The following CPEB2 variants were observed in gnomAD, a reference collection of about 807,000 sequenced individuals.
CPEB2 encodes cytoplasmic polyadenylation element-binding protein 2.
Under a neutral mutation model 93.6 loss-of-function variants are expected in CPEB2, and 56 were observed. The observed-to-expected ratio is 0.60, with a 90% CI of 0.48 to 0.75. CPEB2 has a LOEUF of 0.75. CPEB2 is among the 30% of genes least tolerant of loss of function. The probability of loss-of-function intolerance (pLI) is 0.00; values close to 1 mark genes in which losing one functional copy is unlikely to be tolerated. For synonymous variants in CPEB2, 764 were observed against 586.3 expected (o/e 1.30, Z -4.38); for missense variants, 1,579 against 1,395.1 (o/e 1.13, Z -2.10).
intron 5 of CPEB2, among the ~76,000 whole-genome samples, chr4:15,035,848 G>A (rs1366469235): frequency 2.6e-5 from 4 of 152,204 alleles, no homozygotes; most frequent in Non-Finnish European, 5.9e-5. Context: ...ATGCATGACT[G>A]TTGCAATTAA....
rs557282003 is a variant in CPEB2 at position 15,017,238 on chromosome 4, C to A, written c.2085C>A (p.Ser695=). The change falls in exon 4 of 12, where the codon TCC becomes TCA. Residue 695 remains serine (S), a synonymous_variant. Transcript: ENST00000538197. ...TGAATATGCACTCTTTGGAAAATTC[C>A]CTTATCGATATTATGAGAGCAGAGC... ...DSLNMHSLEN[S]LIDIMRAEHD... The A allele has an allele frequency of 8.4e-5, 135 of 1,603,672 alleles. No homozygotes were observed. The highest frequency in any genetic ancestry group is 1.1e-4 in the Non-Finnish European group (127 of 1,172,804).
intron 4 of CPEB2, among the ~76,000 whole-genome samples, chr4:15,029,767 T>G (rs1725880327): frequency 6.6e-6 from 1 of 152,106 alleles, no homozygotes; most frequent in South Asian, 2.1e-4. Context: ...TTTATCTCAT[T>G]CTTCTATTAT....
intron 4 of CPEB2, among the ~76,000 whole-genome samples, chr4:15,021,152 C>G (rs551660581): frequency 6.6e-6 from 1 of 152,086 alleles, no homozygotes; most frequent in Non-Finnish European, 1.5e-5. Flanking sequence ...TGCTATGGAT[C>G]GTGAACAGTG....
chr4:15,054,491 A>G (rs926615200), intron 8 of CPEB2, among the ~76,000 whole-genome samples: 4 of 152,246 alleles, frequency 2.6e-5, no homozygotes, highest in Admixed American at 2.6e-4. Context: ...ATTTATGAAC[A>G]GTTGAAATAT....
intron 4 of CPEB2, among the ~76,000 whole-genome samples, chr4:15,030,331 G>T (rs1486142930): frequency 6.6e-6 from 1 of 152,000 alleles, no homozygotes; most frequent in East Asian, 1.9e-4. Flanking sequence ...AACTGCTTAG[G>T]TTCAGGTTCT....
At chr4:15,036,210 C>A (rs1256909386) in intron 5 of CPEB2, among the ~76,000 whole-genome samples, 1 of 152,090 alleles carries the variant, frequency 6.6e-6, no homozygotes, top group Non-Finnish European at 1.5e-5. Context: ...ACCTGTATAT[C>A]TCATGAGGCT....
At position 15,003,471 on chromosome 4, in the gene CPEB2, C is replaced by T; in HGVS notation, c.798C>T (p.Pro266=). ...ADLPPLPQLP[P]SPPAAPRRRH... is the part of the protein sequence containing the mutation. ...TGCCCCCGCTCCCGCAGCTCCCTCC[C>T]TCGCCGCCTGCAGCCCCGCGGCGCC... Residue 266 remains proline, a synonymous_variant, in exon 1 of 12, where the codon CCC becomes CCT. Coordinates refer to ENST00000538197, the MANE Select transcript of CPEB2 (RefSeq NM_001177382.2). The T allele has an allele frequency of 7.2e-7, 1 of 1,391,838 alleles. No individual in the cohort carries two copies. The highest frequency in any genetic ancestry group is 9.3e-7 in the Non-Finnish European group (1 of 1,078,530). 86.2% of individuals were successfully genotyped at this position (1,391,838 alleles called of 1,614,324 possible).
At chr4:15,014,293 C>G (rs1428342063) in intron 3 of CPEB2, among the ~76,000 whole-genome samples, 1 of 151,914 alleles carries the variant, frequency 6.6e-6, no homozygotes, top group Non-Finnish European at 1.5e-5. Context: ...AATATATTTC[C>G]TTTGTGAGGA....
chr4:15,004,208 C>T lies in CPEB2; in HGVS notation c.1535C>T (p.Pro512Leu), dbSNP rs1722458179. ...GCCATGAATATACCTCAACAGCAGC[C>T]CCCGCCGCCCGCGGCGCCGCAGCAG... ...PPAMNIPQQQ[P>L]PPPAAPQQPQ... Residue 512 changes from proline to leucine, a missense_variant, in exon 1 of 12, where the codon CCC (proline) becomes CTC (leucine). Physicochemically the swap from Pro to Leu is moderately conservative, Grantham distance 98 (BLOSUM62 -3). Around this residue, in one of 2 missense-constraint regions of CPEB2, gnomAD observed 1,411 missense variants for 1,056.0 expected, o/e 1.34. Coordinates refer to ENST00000538197, the MANE Select transcript of CPEB2 (RefSeq NM_001177382.2). 6.7e-7 allele frequency: 1 copy of T among 1,493,182 alleles called. No homozygotes were observed. The allele number at this position is 1,493,182 out of a possible 1,614,324, so 92.5% of individuals were successfully genotyped here. A position where few individuals can be genotyped will look rare whatever the true frequency, so the allele number is the denominator to read the frequency against.
rs1337906913 is a variant in CPEB2 at position 15,025,935 on chromosome 4, C to CT, written c.2126-7225dup. 2.0e-5 allele frequency among the ~76,000 whole-genome samples: 3 copies of CT among 152,176 alleles called. No homozygotes were observed. The East Asian group carries it at 5.8e-4, about 30-fold the overall frequency. ...ATGATCCTGTTCTAGTGTCTTTATCCTAATGGGGTTATGCCTCTTTAAAAA... is the reference window on the plus strand; with the variant it reads ...ATGATCCTGTTCTAGTGTCTTTATCCTTAATGGGGTTATGCCTCTTTAAAAA... On this transcript the variant is annotated intron_variant, in intron 4 of 11. Transcript: ENST00000538197.
intron 3 of CPEB2, among the ~76,000 whole-genome samples, chr4:15,014,276 G>A (rs1486543411): frequency 2.0e-5 from 3 of 152,054 alleles, no homozygotes; most frequent in African/African-American, 7.2e-5. Flanking sequence ...AGATAACCAT[G>A]AACTGTAATA....
chr4:15,011,888 C>T (rs1324315277), intron 3 of CPEB2, among the ~76,000 whole-genome samples: 1 of 152,180 alleles, frequency 6.6e-6, no homozygotes. Flanking sequence ...TGCTCTTCCA[C>T]AAGCTCTACT....
chr4:15,030,440 T>G (rs1317673336), intron 4 of CPEB2, among the ~76,000 whole-genome samples: 2 of 152,088 alleles, frequency 1.3e-5, no homozygotes, highest in Non-Finnish European at 2.9e-5. Flanking sequence ...TAATAATACC[T>G]AACTCATAGG....
At chr4:15,029,716 T>G (rs1725874750) in intron 4 of CPEB2, among the ~76,000 whole-genome samples, 1 of 152,138 alleles carries the variant, frequency 6.6e-6, no homozygotes, top group South Asian at 2.1e-4. Context: ...ACATTAACAC[T>G]TCTAGAGTAG....
Position 15,003,844 on chromosome 4 carries a change from C to T in CPEB2, c.1171C>T (p.Pro391Ser). ...CTGGTCGGTGCAGACCGCGTCGCCG[C>T]CACCCCAGCCCCAGCAGCCGCCGCC... ...TPWSVQTASPPPQPQQPPPTQ... is the reference protein window; with the variant it reads ...TPWSVQTASPSPQPQQPPPTQ... The change falls in exon 1 of 12, where the codon CCA becomes TCA. Residue 391 changes from proline (P) to serine (S), a missense_variant. Coordinates refer to ENST00000538197, the MANE Select transcript of CPEB2 (RefSeq NM_001177382.2). 1 of 886,326 alleles carries T rather than the reference C, an allele frequency of 1.1e-6. No homozygotes were observed. The highest frequency in any genetic ancestry group is 1.5e-6 in the Non-Finnish European group (1 of 673,064). The allele number at this position is 886,326 out of a possible 1,614,324, so 54.9% of individuals were successfully genotyped here.
chr4:15,006,641 G>A (rs1560212073), intron 1 of CPEB2: 1 of 152,102 alleles, frequency 6.6e-6, no homozygotes, highest in Non-Finnish European at 1.5e-5. Context: ...GGCAACATCA[G>A]ATAATTGCTT....
chr4:15,055,658 A>G (rs1728645797), intron 8 of CPEB2, among the ~76,000 whole-genome samples: 1 of 152,094 alleles, frequency 6.6e-6, no homozygotes, highest in Non-Finnish European at 1.5e-5. Context: ...GCTATTCCTT[A>G]CTTACCTGCA....
At chr4:15,036,719 G>A (rs1414411766) in intron 5 of CPEB2, among the ~76,000 whole-genome samples, 1 of 152,146 alleles carries the variant, frequency 6.6e-6, no homozygotes, top group Non-Finnish European at 1.5e-5. Flanking sequence ...CCAGGAGGGG[G>A]AGTGGGAATG....
At chr4:15,013,516 A>G (rs1164159101) in intron 3 of CPEB2, among the ~76,000 whole-genome samples, 9 of 152,028 alleles carry the variant, frequency 5.9e-5, no homozygotes, top group African/African-American at 2.2e-4. Flanking sequence ...TTAGTTTTCA[A>G]ACTGATGGCA....
Sources: gnomAD v4.1 joint callset for allele counts (sites outside exome capture counted in the v4.1 genomes callset) on GRCh38, gnomAD v4.1.1 for gene constraint, gnomAD v4.1.1 regional missense constraint, MANE v1.5 for transcripts, NCBI Gene and HGNC (gene_info 2026-07-23, HGNC 2026-07-21) for gene names.